The following RBMS3 variants were observed in gnomAD, a reference collection of about 807,000 sequenced individuals.
The protein encoded by RBMS3 is RNA binding motif single stranded interacting protein 3.
In RBMS3, 27 loss-of-function variants were observed where a neutral mutation model predicts 66.8. That is an observed-to-expected ratio of 0.40 (90% CI 0.30 to 0.56). The LOEUF is 0.56. Among genes scored for constraint, RBMS3 ranks in the 20% least tolerant of loss-of-function variants. RBMS3 has a pLI of 0.40. For synonymous variants in RBMS3, 188 were observed against 183.0 expected (o/e 1.03, Z -0.22); for missense variants, 513 against 549.5 (o/e 0.93, Z 0.66).
chr3:30,004,121 A>G lies in RBMS3; in HGVS notation c.*259A>G, dbSNP rs1360467514. The G allele has an allele frequency of 1.9e-5, 6 of 320,674 alleles. No individual in the cohort carries two copies. The highest frequency in any genetic ancestry group is 9.8e-5 in the Admixed American group (2 of 20,474). The allele number at this position is 320,674 out of a possible 1,614,324, so 19.9% of individuals were successfully genotyped here. On this transcript the variant is annotated 3_prime_UTR_variant, in exon 15 of 15. Coordinates refer to ENST00000383767, the MANE Select transcript of RBMS3 (RefSeq NM_001003793.3). ...AAAAATTTCCAGAAGAGGAAAAAAA[A>G]ACTACAAAAAACAAAACATTGAAGG...
chr3:29,821,447 C>T (rs893585177), intron 6 of RBMS3, among the ~76,000 whole-genome samples: 1 of 152,000 alleles, frequency 6.6e-6, no homozygotes, highest in Non-Finnish European at 1.5e-5. Context: ...TTACATGACT[C>T]CCAAAACAAA....
At chr3:29,810,680 T>C (rs551355374) in intron 6 of RBMS3, among the ~76,000 whole-genome samples, 2 of 152,330 alleles carry the variant, frequency 1.3e-5, no homozygotes, top group African/African-American at 4.8e-5. Context: ...CATGTATACA[T>C]ATATGTGTAT....
At chr3:29,357,835 C>A (rs2037318666) in intron 1 of RBMS3, among the ~76,000 whole-genome samples, 1 of 152,168 alleles carries the variant, frequency 6.6e-6, no homozygotes, top group Non-Finnish European at 1.5e-5. Context: ...CTGTTGGCTG[C>A]ATAAATGTCT....
intron 4 of RBMS3, among the ~76,000 whole-genome samples, chr3:29,650,611 T>A (rs1384282111): frequency 6.6e-6 from 1 of 152,164 alleles, no homozygotes; most frequent in Non-Finnish European, 1.5e-5. Flanking sequence ...TGCTTTTTCT[T>A]TTTGAAGAGA....
At chr3:29,745,591 G>T (rs1055684987) in intron 5 of RBMS3, among the ~76,000 whole-genome samples, 3 of 152,104 alleles carry the variant, frequency 2.0e-5, no homozygotes, top group Admixed American at 2.0e-4. Flanking sequence ...GAAGTGATGG[G>T]TGGGGGACAG....
At chr3:29,938,629 T>C (rs1559819641) in intron 11 of RBMS3, among the ~76,000 whole-genome samples, 1 of 152,014 alleles carries the variant, frequency 6.6e-6, no homozygotes, top group East Asian at 1.9e-4. Context: ...AGATTCATTT[T>C]ATCTGAATTT....
intron 1 of RBMS3, among the ~76,000 whole-genome samples, chr3:29,335,902 G>C (rs1559497336): frequency 6.6e-6 from 1 of 150,888 alleles, no homozygotes; most frequent in Non-Finnish European, 1.5e-5. Flanking sequence ...TTTTTATTCT[G>C]TTTTGTTTTT....
At chr3:29,620,778 C>T (rs2048838551) in intron 4 of RBMS3, among the ~76,000 whole-genome samples, 1 of 151,976 alleles carries the variant, frequency 6.6e-6, no homozygotes, top group Admixed American at 6.5e-5. Flanking sequence ...AACTCATTCC[C>T]TGGCTATTTT....
At chr3:29,862,694 AT>A (rs1323913917) in intron 6 of RBMS3, among the ~76,000 whole-genome samples, 1 of 151,892 alleles carries the variant, frequency 6.6e-6, no homozygotes, top group African/African-American at 2.4e-5. Flanking sequence ...CGAGAGTGAA[AT>A]TAGCTAAGTG....
chr3:29,624,266 A>AT (rs2048976784), intron 4 of RBMS3, among the ~76,000 whole-genome samples: 1 of 152,242 alleles, frequency 6.6e-6, no homozygotes, highest in South Asian at 2.1e-4. Context: ...TCATGATTTA[A>AT]TTCCCTTGGC....
chr3:29,642,481 A>C (rs947543059), intron 4 of RBMS3, among the ~76,000 whole-genome samples: 6 of 152,120 alleles, frequency 3.9e-5, no homozygotes, highest in African/African-American at 1.2e-4. Context: ...GTAAAAATGT[A>C]TGGTTTCATG....
chr3:30,008,938 ATTTCT>A lies in RBMS3; in HGVS notation c.*5080_*5084del, dbSNP rs1323995911. The A allele has an allele frequency of 6.6e-6, 1 of 152,120 alleles. No homozygotes were observed. The highest frequency in any genetic ancestry group is 2.1e-4 in the South Asian group (1 of 4,832). The allele number at this position is 152,120 out of a possible 1,614,324, so 9.4% of individuals were successfully genotyped here. The stretch of plus-strand genomic sequence containing the variant: ...AGAGACAAGAGTTCACCCCAGATTA[ATTTCT>A]TTTATCATTGGCTTTATACTCTAAC... On this transcript the variant is annotated 3_prime_UTR_variant, in exon 15 of 15. Coordinates refer to ENST00000383767, the MANE Select transcript of RBMS3 (RefSeq NM_001003793.3).
chr3:29,348,026 T>A (rs1487768169), intron 1 of RBMS3, among the ~76,000 whole-genome samples: 1 of 152,148 alleles, frequency 6.6e-6, no homozygotes, highest in Non-Finnish European at 1.5e-5. Flanking sequence ...TAGGGTCTCT[T>A]TATCAATAAA....
At chr3:29,312,959 C>T (rs1401339414) in intron 1 of RBMS3, among the ~76,000 whole-genome samples, 2 of 151,788 alleles carry the variant, frequency 1.3e-5, no homozygotes, top group African/African-American at 4.8e-5. Flanking sequence ...CACGTGTACC[C>T]CATCATTTCA....
intron 6 of RBMS3, among the ~76,000 whole-genome samples, chr3:29,786,952 A>G (rs1340500240): frequency 6.6e-6 from 1 of 152,166 alleles, no homozygotes; most frequent in Non-Finnish European, 1.5e-5. Context: ...AAGGACTAAT[A>G]TCCAGAATCT....
At chr3:29,731,278 T>C (rs1559614732) in intron 4 of RBMS3, among the ~76,000 whole-genome samples, 1 of 152,208 alleles carries the variant, frequency 6.6e-6, no homozygotes, top group African/African-American at 2.4e-5. Context: ...AATAAGTAAA[T>C]GCTTCTTTTT....
At chr3:29,296,910 G>A (rs2033311156) in intron 1 of RBMS3, among the ~76,000 whole-genome samples, 1 of 150,350 alleles carries the variant, frequency 6.7e-6, no homozygotes. Context: ...AGTCAAATTA[G>A]CATTTTTTTT....
intron 5 of RBMS3, among the ~76,000 whole-genome samples, chr3:29,746,079 A>G (rs1238163147): frequency 6.6e-6 from 1 of 152,198 alleles, no homozygotes; most frequent in Non-Finnish European, 1.5e-5. Context: ...CTGAAATATA[A>G]TGAGACCACA....
intron 4 of RBMS3, among the ~76,000 whole-genome samples, chr3:29,697,477 C>T (rs1246650515): frequency 6.6e-6 from 1 of 152,166 alleles, no homozygotes; most frequent in Non-Finnish European, 1.5e-5. Context: ...ACCTTGTTTA[C>T]CAATGTTACC....
Sources: allele counts gnomAD v4.1 joint callset (sites outside exome capture counted in the v4.1 genomes callset), GRCh38; gene constraint gnomAD v4.1.1; transcripts MANE v1.5; gene names NCBI Gene and HGNC (gene_info 2026-07-23, HGNC 2026-07-21).